Variants in DAGLB observed in about 807,000 individuals in gnomAD.
DAGLB encodes the protein diacylglycerol lipase beta.
Under a neutral mutation model 72.1 loss-of-function variants are expected in DAGLB, and 66 were observed. The ratio of observed to expected loss-of-function variants is 0.92; its 90% CI spans 0.75 to 1.12. DAGLB has a LOEUF of 1.12. DAGLB is among the 50% of genes most tolerant of loss of function. The pLI is 0.00. For missense variants in DAGLB, 1,065 were observed against 884.9 expected (o/e 1.20, Z -2.58); for synonymous variants, 414 against 359.5 (o/e 1.15, Z -1.71).
At chr7:6,430,097 C>G (rs1050973177) in intron 6 of DAGLB, among the ~76,000 whole-genome samples, 10 of 151,022 alleles carry the variant, frequency 6.6e-5, no homozygotes, top group Non-Finnish European at 1.3e-4. Flanking sequence ...TCCAACTACT[C>G]AGGAGGCTGA....
At chr7:6,429,266 A>G (rs1784405704) in intron 6 of DAGLB, among the ~76,000 whole-genome samples, 1 of 152,106 alleles carries the variant, frequency 6.6e-6, no homozygotes, top group Non-Finnish European at 1.5e-5. Context: ...AAAATGCAAA[A>G]CATAAATCTA....
chr7:6,412,753 A>G, intron 13 of DAGLB, 58 bp downstream of exon 13: 1 of 1,542,812 alleles, frequency 6.5e-7, no homozygotes, highest in East Asian at 2.4e-5. Flanking sequence ...GGCTCTCCAC[A>G]GGATCTCAGG....
At chr7:6,415,178 AGAC>A (rs1360861660) in intron 11 of DAGLB, among the ~76,000 whole-genome samples, 16 of 151,968 alleles carry the variant, frequency 1.1e-4, no homozygotes, top group African/African-American at 3.1e-4. Flanking sequence ...AAAAAAAAAA[AGAC>A]AGCAAGAAAA....
At chr7:6,435,090 C>T in intron 3 of DAGLB, 70 bp from the exon 4 acceptor site, 1 of 1,574,920 alleles carries the variant, frequency 6.3e-7, no homozygotes, top group Non-Finnish European at 8.6e-7. Flanking sequence ...TCCGGGGTCC[C>T]TCCTCCAGGT....
In DAGLB at chr7:6,416,713, C is replaced by G; in HGVS notation, c.1341G>C (p.Gly447=). The G allele has an allele frequency of 6.2e-7, 1 of 1,613,632 alleles. No individual in the cohort carries two copies. Among genetic ancestry groups the G allele is most frequent in the Non-Finnish European group, 8.5e-7 (1 of 1,179,794 alleles). ...LVIVGHSLGG[G]AAALLATMLR... ...GCATGGTGGCCAGCAGGGCGGCCGCCCCGCCCCCGAGGCTGTGGCCCACTA... is the reference window on the plus strand; with the variant it reads ...GCATGGTGGCCAGCAGGGCGGCCGCGCCGCCCCCGAGGCTGTGGCCCACTA... Residue 447 remains glycine (G), a synonymous_variant, in exon 11 of 15, where the codon GGG becomes GGC. Transcript: ENST00000297056.
At chr7:6,439,420 C>A (rs1784759790) in intron 2 of DAGLB, among the ~76,000 whole-genome samples, 1 of 152,192 alleles carries the variant, frequency 6.6e-6, no homozygotes, top group Non-Finnish European at 1.5e-5. Flanking sequence ...GTCCTCACCA[C>A]TGTCTTGGTT....
chr7:6,444,388 G>C (rs1445501911), intron 2 of DAGLB, among the ~76,000 whole-genome samples: 1 of 152,148 alleles, frequency 6.6e-6, no homozygotes, highest in East Asian at 1.9e-4. Context: ...GATCACGTGA[G>C]GTCAGGAGAT....
intron 7 of DAGLB, 109 bp downstream of exon 7, chr7:6,425,879 G>C (rs2115265079): frequency 1.3e-6 from 2 of 1,539,360 alleles, no homozygotes; most frequent in East Asian, 2.3e-5. Flanking sequence ...TTAGAAGTGT[G>C]TTTGTGTGTC....
chr7:6,447,443 G>A (rs1680543024), intron 1 of DAGLB, among the ~76,000 whole-genome samples: 1 of 152,240 alleles, frequency 6.6e-6, no homozygotes, highest in African/African-American at 2.4e-5. Flanking sequence ...TGGCACCCCA[G>A]GGCCAGGTCT....
chr7:6,416,522 G>A (rs1051811737), intron 11 of DAGLB, 105 bp downstream of exon 11: 30 of 1,486,126 alleles, frequency 2.0e-5, no homozygotes, highest in South Asian at 8.5e-5. Context: ...CAGCCTGGGC[G>A]ACAGAGCAAG....
rs1784985039 is a variant in DAGLB at position 6,445,924 on chromosome 7, G to T, written c.247+29C>A. 3 of 1,557,832 alleles carry T rather than the reference G, an allele frequency of 1.9e-6. No homozygotes were observed. In the East Asian group the frequency reaches 6.8e-5, roughly 35 times the overall value. ...ATCTCAATAAAGCTATAAAAAAATA[G>T]GTATCAAATAGAAAAGGCTACTTTT... On this transcript the variant is annotated intron_variant, in intron 2 of 14. Coordinates refer to ENST00000297056, the MANE Select transcript of DAGLB (RefSeq NM_139179.4).
chr7:6,445,231 G>A (rs752353607), intron 2 of DAGLB, among the ~76,000 whole-genome samples: 13 of 152,194 alleles, frequency 8.5e-5, no homozygotes, highest in Non-Finnish European at 1.0e-4. Context: ...CAATCCAAAT[G>A]CCTACCAAAT....
chr7:6,441,781 T>C (rs1163741267), intron 2 of DAGLB, among the ~76,000 whole-genome samples: 2 of 152,166 alleles, frequency 1.3e-5, no homozygotes. Flanking sequence ...TAAACGAACA[T>C]GTTTTTATAA....
At chr7:6,413,163 G>T in intron 11 of DAGLB, 129 bp from the exon 12 acceptor site, 1 of 951,040 alleles carries the variant, frequency 1.1e-6, no homozygotes, top group Non-Finnish European at 1.6e-6. Flanking sequence ...CTTCTCTAAA[G>T]GGAGGGTAGG....
intron 3 of DAGLB, among the ~76,000 whole-genome samples, chr7:6,435,904 CTAAGATTTT>C: frequency 6.6e-6 from 1 of 152,228 alleles, no homozygotes; most frequent in Non-Finnish European, 1.5e-5. Flanking sequence ...TGGATCATCT[CTAAGATTTT>C]TAGCCTAGAA....
chr7:6,445,844 A>G (rs1007957758), intron 2 of DAGLB, 109 bp downstream of exon 2: 5 of 1,252,206 alleles, frequency 4.0e-6, no homozygotes, highest in African/African-American at 1.5e-5. Flanking sequence ...TGATTATATT[A>G]AAAACTGTTG....
At chr7:6,415,893 CAT>C (rs1172690815) in intron 11 of DAGLB, among the ~76,000 whole-genome samples, 1 of 150,682 alleles carries the variant, frequency 6.6e-6, no homozygotes, top group African/African-American at 2.4e-5. Flanking sequence ...TGTCTTTAAA[CAT>C]GTGCATTATG....
At chr7:6,427,639 T>C (rs534083760) in intron 6 of DAGLB, among the ~76,000 whole-genome samples, 3 of 151,982 alleles carry the variant, frequency 2.0e-5, no homozygotes, top group Admixed American at 6.6e-5. Context: ...AATAAATACA[T>C]AGGCGTGGTG....
At chr7:6,442,669 C>A (rs1784869950) in intron 2 of DAGLB, among the ~76,000 whole-genome samples, 1 of 152,182 alleles carries the variant, frequency 6.6e-6, no homozygotes, top group Admixed American at 6.6e-5. Flanking sequence ...CATCTGGCAC[C>A]AATGACAGCC....
Sources: gnomAD v4.1 joint callset for allele counts (sites outside exome capture counted in the v4.1 genomes callset) on GRCh38, gnomAD v4.1.1 for gene constraint, MANE v1.5 for transcripts, NCBI Gene and HGNC (gene_info 2026-07-23, HGNC 2026-07-21) for gene names.